SCAPER: variants seen among roughly 807,000 people sequenced by gnomAD.
SCAPER encodes S phase cyclin A-associated protein in the endoplasmic reticulum.
Under a neutral mutation model 182.2 loss-of-function variants are expected in SCAPER, and 98 were observed. The ratio of observed to expected loss-of-function variants is 0.54; its 90% CI spans 0.46 to 0.64. The LOEUF (loss-of-function observed/expected upper bound fraction) is 0.64, where lower values mean the gene tolerates loss of function less well. Ranked by LOEUF, SCAPER falls within the 30% of genes least tolerant of loss-of-function variation. The pLI, the probability that SCAPER is intolerant of heterozygous loss-of-function variation, is 0.00. For synonymous variants in SCAPER, 605 were observed against 564.6 expected (o/e 1.07, Z -1.01); for missense variants, 1,432 against 1,690.0 (o/e 0.85, Z 2.68).
intron 21 of SCAPER, 35 bp from the exon 22 acceptor site, chr15:76,621,864 ACTG>A: frequency 6.8e-7 from 1 of 1,471,324 alleles, no homozygotes; most frequent in Non-Finnish European, 9.3e-7. Flanking sequence ...CAGTTATTTC[ACTG>A]CTAATTTTTA....
intron 25 of SCAPER, among the ~76,000 whole-genome samples, chr15:76,445,852 T>G (rs1346237292): frequency 1.3e-5 from 2 of 152,084 alleles, no homozygotes; most frequent in Admixed American, 6.5e-5. Flanking sequence ...AGGATTAAAA[T>G]CTCGATTTCC....
Position 76,354,696 on chromosome 15 carries a change from A to G in SCAPER, c.3856-556T>C, listed in dbSNP as rs536448401. 2.0e-5 allele frequency: 3 copies of G among 152,404 alleles called. No homozygotes were observed. The highest frequency in any genetic ancestry group is 6.5e-5 in the Admixed American group (1 of 15,312). The allele number at this position is 152,404 out of a possible 1,614,324, so 9.4% of individuals were successfully genotyped here. ...TAGGCTCCAAAAGACCTTTCCTCCA[A>G]TCTATACTTCTTATCTTTGTTTCCA... is the stretch of plus-strand genomic sequence containing the variant. On this transcript the variant is annotated intron_variant, in intron 29 of 31. Coordinates refer to ENST00000563290, the MANE Select transcript of SCAPER (RefSeq NM_020843.4). The surrounding 1 kb of genome is among the most constrained non-coding windows in gnomAD (Gnocchi z 4.4).
chr15:76,357,188 A>ACACACACACACACACACACACACC (rs774672151), intron 29 of SCAPER, among the ~76,000 whole-genome samples: 1 of 149,072 alleles, frequency 6.7e-6, no homozygotes, highest in Non-Finnish European at 1.5e-5. Flanking sequence ...ACACACACAC[A>ACACACACACACACACACACACACC]CCCCTATGGC....
intron 1 of SCAPER, among the ~76,000 whole-genome samples, chr15:76,887,334 C>T (rs1050952675): frequency 1.3e-5 from 2 of 152,264 alleles, no homozygotes; most frequent in Non-Finnish European, 2.9e-5. Flanking sequence ...AGAGGGTGAG[C>T]CAAAGCAGGC....
chr15:76,833,681 A>C lies in SCAPER; in HGVS notation c.393+8053T>G, dbSNP rs143732553. Among the ~76,000 whole-genome samples, 126 of 152,370 alleles carry C rather than the reference A, an allele frequency of 8.3e-4. 1 individual carries two copies. The highest frequency in any genetic ancestry group is 2.8e-3 in the African/African-American group (118 of 41,588). ...AGGGATGCAGAAAGATTTATCAAGC[A>C]AACAGAAAACAAAAAAAACAGGAGT... On this transcript the variant is annotated intron_variant, in intron 5 of 31. Coordinates refer to ENST00000563290, the MANE Select transcript of SCAPER (RefSeq NM_020843.4).
At chr15:76,407,431 T>C (rs1422533169) in intron 26 of SCAPER, among the ~76,000 whole-genome samples, 1 of 152,218 alleles carries the variant, frequency 6.6e-6, no homozygotes, top group Non-Finnish European at 1.5e-5. Context: ...CTCAGAGCCT[T>C]GGCATCTAGT....
intron 5 of SCAPER, among the ~76,000 whole-genome samples, chr15:76,824,732 AT>A (rs2151671941): frequency 1.3e-5 from 2 of 152,286 alleles, no homozygotes; most frequent in South Asian, 2.1e-4. Flanking sequence ...TTTTTTTAAA[AT>A]ATCTCTCCTA....
intron 25 of SCAPER, 132 bp downstream of exon 25, chr15:76,471,079 CT>C (rs2050118017): frequency 1.2e-6 from 1 of 853,938 alleles, no homozygotes; most frequent in Non-Finnish European, 1.6e-6. Context: ...GTCATCTTCA[CT>C]TTCTTCTTCT....
intron 2 of SCAPER, among the ~76,000 whole-genome samples, chr15:76,874,890 G>C (rs2073033785): frequency 6.6e-6 from 1 of 152,160 alleles, no homozygotes; most frequent in African/African-American, 2.4e-5. Flanking sequence ...TGGAGCCCAG[G>C]AGTTCAAGGT....
chr15:76,726,638 T>G (rs757243826), intron 17 of SCAPER, among the ~76,000 whole-genome samples: 6 of 152,174 alleles, frequency 3.9e-5, no homozygotes, highest in Non-Finnish European at 8.8e-5. Flanking sequence ...TGTGGTATTA[T>G]ACATACAATG....
chr15:76,697,576 A>G (rs889986265), intron 20 of SCAPER, among the ~76,000 whole-genome samples: 1 of 152,210 alleles, frequency 6.6e-6, no homozygotes, highest in African/African-American at 2.4e-5. Context: ...TATTCCAGAA[A>G]AATTGTTAAG....
intron 29 of SCAPER, among the ~76,000 whole-genome samples, chr15:76,373,514 A>G (rs911923041): frequency 6.6e-6 from 1 of 152,150 alleles, no homozygotes; most frequent in Non-Finnish European, 1.5e-5. Context: ...CTGTGAACCT[A>G]CTAGGCCTGG....
At chr15:76,559,837 T>A (rs564315537) in intron 23 of SCAPER, among the ~76,000 whole-genome samples, 1 of 152,232 alleles carries the variant, frequency 6.6e-6, no homozygotes, top group Non-Finnish European at 1.5e-5. Context: ...CAAATCCCCA[T>A]GACACAAAAC....
intron 22 of SCAPER, among the ~76,000 whole-genome samples, chr15:76,581,005 G>A (rs749997611): frequency 3.9e-5 from 6 of 152,056 alleles, no homozygotes; most frequent in Non-Finnish European, 8.8e-5. Flanking sequence ...GATCATTAGA[G>A]GCTACCATGA....
At chr15:76,821,135 A>G (rs923418955) in intron 5 of SCAPER, among the ~76,000 whole-genome samples, 18 of 152,196 alleles carry the variant, frequency 1.2e-4, no homozygotes, top group Non-Finnish European at 1.5e-4. Context: ...TAAATACCCA[A>G]AGCCATTTAA....
intron 21 of SCAPER, among the ~76,000 whole-genome samples, chr15:76,636,581 C>T (rs942392077): frequency 2.0e-5 from 3 of 152,012 alleles, no homozygotes; most frequent in African/African-American, 4.8e-5. Context: ...GCAAAACAGA[C>T]AATTACAATT....
rs114232556 is a variant in SCAPER at position 76,776,115 on chromosome 15, T to C, written c.773-998A>G. Reference sequence around the variant, plus strand: ...CTTGGGATTTAGGGGACTTGAAAAGTAGCAAACTGGTGAGTTCCATGGGTT... The same window carrying C: ...CTTGGGATTTAGGGGACTTGAAAAGCAGCAAACTGGTGAGTTCCATGGGTT... On this transcript the variant is annotated intron_variant, in intron 8 of 31. Coordinates refer to ENST00000563290, the MANE Select transcript of SCAPER (RefSeq NM_020843.4). Among the ~76,000 whole-genome samples, 512 of 152,270 alleles carry C rather than the reference T, an allele frequency of 3.4e-3. 5 individuals are homozygous for C. The highest frequency in any genetic ancestry group is 0.011 in the African/African-American group (473 of 41,554).
At chr15:76,819,916 A>G (rs1428875833) in intron 5 of SCAPER, among the ~76,000 whole-genome samples, 2 of 152,250 alleles carry the variant, frequency 1.3e-5, no homozygotes, top group Non-Finnish European at 2.9e-5. Context: ...ACCCCATCAA[A>G]AAGTGGGCAA....
intron 23 of SCAPER, among the ~76,000 whole-genome samples, chr15:76,507,170 G>A (rs1567301192): frequency 2.0e-5 from 3 of 152,122 alleles, no homozygotes; most frequent in Non-Finnish European, 4.4e-5. Flanking sequence ...AAGTGAGGCC[G>A]TTAGAGTAGG....
Sources: allele counts gnomAD v4.1 joint callset (sites outside exome capture counted in the v4.1 genomes callset), GRCh38; gene constraint gnomAD v4.1.1; non-coding constraint Gnocchi (gnomAD v3.1); transcripts MANE v1.5; gene names NCBI Gene and HGNC (gene_info 2026-07-23, HGNC 2026-07-21).